Variants in CWC25 observed in about 807,000 individuals in gnomAD.
CWC25 encodes pre-mRNA-splicing factor CWC25 homolog.
CWC25 carries 31 observed loss-of-function variants against 54.6 expected under a neutral mutation model. The observed-to-expected ratio is 0.57, with a 90% CI of 0.43 to 0.77. The LOEUF is 0.77. Among genes scored for constraint, CWC25 ranks in the 30% least tolerant of loss-of-function variants. CWC25 has a pLI of 0.00. For synonymous variants in CWC25, 151 were observed against 187.0 expected (o/e 0.81, Z 1.57); for missense variants, 453 against 529.3 (o/e 0.86, Z 1.41).
chr17:38,807,576 T>C (rs1458400154), intron 6 of CWC25, among the ~76,000 whole-genome samples: 7 of 138,732 alleles, frequency 5.0e-5, no homozygotes. Flanking sequence ...GAGCAACTAG[T>C]GAGACCTTGT....
At chr17:38,805,799 TG>T (rs1272130751) in intron 8 of CWC25, among the ~76,000 whole-genome samples, 5 of 151,688 alleles carry the variant, frequency 3.3e-5, no homozygotes, top group African/African-American at 4.9e-5. Context: ...GTGTCTGGCT[TG>T]GTTTTTGTTA....
At chr17:38,814,638 C>T (rs1249065011) in intron 3 of CWC25, among the ~76,000 whole-genome samples, 2 of 144,104 alleles carry the variant, frequency 1.4e-5, no homozygotes, top group East Asian at 2.2e-4. Context: ...CCCAGCTACT[C>T]GGGAGGCTGA....
intron 3 of CWC25, among the ~76,000 whole-genome samples, chr17:38,813,071 T>A (rs562490716): frequency 6.6e-6 from 1 of 151,702 alleles, no homozygotes; most frequent in South Asian, 2.1e-4. Context: ...CGCTTGAACC[T>A]GGGAGGCGGA....
In CWC25 at chr17:38,825,247, T is replaced by C. The variant is rs945846029; in HGVS notation, c.-64A>G. ...ATTTCGGGAGGATCAAGAGAAAACGTAGAGAAATAGTTCGGGGGCTACCTC... is the reference window on the plus strand; with the variant it reads ...ATTTCGGGAGGATCAAGAGAAAACGCAGAGAAATAGTTCGGGGGCTACCTC... On this transcript the variant is annotated 5_prime_UTR_variant, in exon 1 of 10. Transcript: ENST00000614790. 1 of 1,525,020 alleles carries C rather than the reference T, an allele frequency of 6.6e-7. No homozygotes were observed. The highest frequency in any genetic ancestry group is 2.5e-5 in the East Asian group (1 of 40,794). The allele number at this position is 1,525,020 out of a possible 1,614,324, so 94.5% of individuals were successfully genotyped here.
intron 8 of CWC25, among the ~76,000 whole-genome samples, chr17:38,804,228 A>C (rs1243158344): frequency 1.3e-5 from 2 of 152,156 alleles, no homozygotes; most frequent in Non-Finnish European, 2.9e-5. Context: ...CAATATTTAT[A>C]TATCATACAA....
intron 8 of CWC25, among the ~76,000 whole-genome samples, chr17:38,803,953 G>C (rs889502099): frequency 6.6e-6 from 1 of 152,078 alleles, no homozygotes; most frequent in Non-Finnish European, 1.5e-5. Flanking sequence ...GCTGAGGTAG[G>C]AGGATCAGTT....
At chr17:38,802,242 C>CTGATTG in intron 9 of CWC25, 36 bp from the exon 10 acceptor site, 4 of 1,401,126 alleles carry the variant, frequency 2.9e-6, no homozygotes, top group Non-Finnish European at 4.0e-6. Context: ...AAGTCAAAAA[C>CTGATTG]ATTTTCAATC....
chr17:38,815,939 G>A (rs143848721), intron 2 of CWC25, among the ~76,000 whole-genome samples: 3 of 152,128 alleles, frequency 2.0e-5, no homozygotes, highest in Non-Finnish European at 4.4e-5. Context: ...AGCCAAAAGA[G>A]CCAAACACTG....
At chr17:38,818,013 C>A (rs923782351) in intron 2 of CWC25, among the ~76,000 whole-genome samples, 2 of 151,744 alleles carry the variant, frequency 1.3e-5, no homozygotes, top group Non-Finnish European at 2.9e-5. Context: ...TGCAGTGGCT[C>A]ACGCCTGTAA....
intron 2 of CWC25, among the ~76,000 whole-genome samples, chr17:38,819,427 C>T (rs1911834978): frequency 6.6e-6 from 1 of 150,498 alleles, no homozygotes; most frequent in Admixed American, 6.6e-5. Flanking sequence ...AGTACACTGG[C>T]GCAATCTCAG....
chr17:38,820,620 G>A (rs768967791), intron 2 of CWC25, among the ~76,000 whole-genome samples: 4 of 152,142 alleles, frequency 2.6e-5, no homozygotes, highest in Non-Finnish European at 5.9e-5. Context: ...CTGTGAGCTC[G>A]GCTTACAGCA....
In CWC25 at chr17:38,800,847, A is replaced by T. The variant is rs1472901264; in HGVS notation, c.*1245T>A. The T allele has an allele frequency of 1.3e-5, 2 of 152,272 alleles. No individual in the cohort carries two copies. Among genetic ancestry groups the T allele is most frequent in the East Asian group, 3.9e-4 (2 of 5,182 alleles). The allele number at this position is 152,272 out of a possible 1,614,324, so 9.4% of individuals were successfully genotyped here. A position where few individuals can be genotyped will look rare whatever the true frequency, so the allele number is the denominator to read the frequency against. On this transcript the variant is annotated 3_prime_UTR_variant, in exon 10 of 10. Coordinates refer to ENST00000614790, the MANE Select transcript of CWC25 (RefSeq NM_017748.5). ...CACCCAGGCTGGAGTGCGGTGGCAC[A>T]ATCTCGGCTCACTGCAAGCTCCGCC...
intron 6 of CWC25, 106 bp downstream of exon 6, chr17:38,809,596 T>A: frequency 9.8e-7 from 1 of 1,016,250 alleles, no homozygotes; most frequent in Non-Finnish European, 1.5e-6. Context: ...TGGGCCTGTT[T>A]CCCAGCAGCC....
chr17:38,815,682 C>A, intron 2 of CWC25: 1 of 1,283,320 alleles, frequency 7.8e-7, no homozygotes, highest in African/African-American at 1.6e-5. Context: ...GATCTTGGCT[C>A]AGAGCTTCTC....
Position 38,814,542 on chromosome 17 carries a change from G to A in CWC25, c.428+319C>T, listed in dbSNP as rs201355443. Among the ~76,000 whole-genome samples the A allele has an allele frequency of 4.9e-4, 75 of 151,652 alleles. 1 individual carries two copies. The East Asian group carries it at 0.012, about 25-fold the overall frequency. ...GATCACAAGGTGGTCAGGAGATCGA[G>A]ACCATCCTGGCTAACATAGTGAAAC... On this transcript the variant is annotated intron_variant, in intron 3 of 9. Coordinates refer to ENST00000614790, the MANE Select transcript of CWC25 (RefSeq NM_017748.5).
At chr17:38,808,301 G>T (rs1911338552) in intron 6 of CWC25, among the ~76,000 whole-genome samples, 1 of 137,786 alleles carries the variant, frequency 7.3e-6, no homozygotes, top group Non-Finnish European at 1.6e-5. Flanking sequence ...AGAATCACTT[G>T]AATGCAGGAG....
chr17:38,818,588 C>CAAAA (rs56382375), intron 2 of CWC25, among the ~76,000 whole-genome samples: 2 of 48,500 alleles, frequency 4.1e-5, no homozygotes, highest in Non-Finnish European at 6.7e-5. Context: ...GACTCCATCT[C>CAAAA]AAAAAAAAAA....
chr17:38,815,156 T>A, intron 2 of CWC25, 59 bp from the exon 3 acceptor site: 1 of 1,468,702 alleles, frequency 6.8e-7, no homozygotes, highest in Non-Finnish European at 9.4e-7. Flanking sequence ...TCTGCAAACC[T>A]ACACCTAAAA....
At chr17:38,806,133 C>T (rs1911224740) in intron 8 of CWC25, among the ~76,000 whole-genome samples, 164 bp downstream of exon 8, 1 of 152,176 alleles carries the variant, frequency 6.6e-6, no homozygotes, top group South Asian at 2.1e-4. Context: ...TTTCAATGTC[C>T]TCACATGGCT....
Sources: allele counts gnomAD v4.1 joint callset (sites outside exome capture counted in the v4.1 genomes callset), GRCh38; gene constraint gnomAD v4.1.1; transcripts MANE v1.5; gene names NCBI Gene and HGNC (gene_info 2026-07-23, HGNC 2026-07-21).